The following NSMCE2 variants were observed in gnomAD, a reference collection of about 807,000 sequenced individuals.
NSMCE2 encodes NSE2 SUMO ligase component of SMC5/6 complex, also known as E3 SUMO-protein ligase NSE2.
A neutral mutation model predicts 23.8 loss-of-function variants in NSMCE2; 24 were observed. The observed-to-expected ratio is 1.01, with a 90% confidence interval of 0.73 to 1.42. NSMCE2 has a LOEUF of 1.42. NSMCE2 is among the 40% of genes most tolerant of loss of function. The pLI is 0.00. For synonymous variants in NSMCE2, 92 were observed against 94.1 expected (o/e 0.98, Z 0.13); for missense variants, 284 against 296.5 (o/e 0.96, Z 0.31).
chr8:125,118,141 C>T (rs1048372340), intron 3 of NSMCE2, among the ~76,000 whole-genome samples: 4 of 151,768 alleles, frequency 2.6e-5, no homozygotes, highest in Admixed American at 6.6e-5. Flanking sequence ...CCTGAGGTCA[C>T]GTGACCTCAG....
At chr8:125,111,163 A>G (rs1209150540) in intron 3 of NSMCE2, among the ~76,000 whole-genome samples, 1 of 152,204 alleles carries the variant, frequency 6.6e-6, no homozygotes, top group East Asian at 1.9e-4. Flanking sequence ...CACGCAGCCA[A>G]AAAAGTTTTC....
rs111426462 is a variant in NSMCE2 at position 125,196,192 on chromosome 8, C to CA, written c.418+13936_418+13937insA. ...AGCCACCAAGTGCAGCCCTGGATAA[C>CA]TTTTTTTTTTCTTTTTTTTTTTTTT... On this transcript the variant is annotated intron_variant, in intron 5 of 7. Coordinates refer to ENST00000287437, the MANE Select transcript of NSMCE2 (RefSeq NM_173685.4). Among the ~76,000 whole-genome samples the CA allele has an allele frequency of 3.1e-3, 443 of 144,708 alleles. 2 individuals are homozygous for CA. Among genetic ancestry groups the CA allele is most frequent in the African/African-American group, 0.011 (417 of 38,978 alleles). The allele number at this position is 144,708 out of a possible 152,430, so 94.9% of individuals were successfully genotyped here. A position where few individuals can be genotyped will look rare whatever the true frequency, so the allele number is the denominator to read the frequency against.
In NSMCE2 at chr8:125,164,762, C is replaced by T. The variant is rs541949652; in HGVS notation, c.264+13485C>T. Among the ~76,000 whole-genome samples the T allele has an allele frequency of 2.1e-3, 320 of 152,044 alleles. 2 individuals carry two copies. The highest frequency in any genetic ancestry group is 7.5e-3 in the African/African-American group (312 of 41,488). On this transcript the variant is annotated intron_variant, in intron 4 of 7. Coordinates refer to ENST00000287437, the MANE Select transcript of NSMCE2 (RefSeq NM_173685.4). ...TAAAGTAAAATAAAAATGAAATAAA[C>T]TTTTTTCTAGTTTTAATGATATGGT...
At chr8:125,281,083 T>G (rs995566935) in intron 5 of NSMCE2, among the ~76,000 whole-genome samples, 13 of 152,228 alleles carry the variant, frequency 8.5e-5, no homozygotes, top group African/African-American at 3.1e-4. Flanking sequence ...TTGTGACAGT[T>G]ATAAGCCGAT....
chr8:125,331,488 G>T (rs1360772793), intron 5 of NSMCE2, among the ~76,000 whole-genome samples: 1 of 152,164 alleles, frequency 6.6e-6, no homozygotes, highest in East Asian at 1.9e-4. Context: ...AATGTCAAGT[G>T]CTGGGTAATG....
chr8:125,127,540 T>C (rs889717197), intron 3 of NSMCE2, among the ~76,000 whole-genome samples: 1 of 152,234 alleles, frequency 6.6e-6, no homozygotes, highest in African/African-American at 2.4e-5. Flanking sequence ...AGAAAGATTA[T>C]GTAATGTGTT....
At chr8:125,243,021 C>G (rs1434148057) in intron 5 of NSMCE2, among the ~76,000 whole-genome samples, 1 of 151,984 alleles carries the variant, frequency 6.6e-6, no homozygotes, top group Non-Finnish European at 1.5e-5. Flanking sequence ...TACATGTAGA[C>G]TCTATCTGGG....
intron 5 of NSMCE2, among the ~76,000 whole-genome samples, chr8:125,338,496 A>G (rs953948504): frequency 1.3e-5 from 2 of 152,204 alleles, no homozygotes; most frequent in Non-Finnish European, 2.9e-5. Flanking sequence ...GCAAGCATCT[A>G]TTGCATCAAA....
At chr8:125,145,640 C>G (rs1054121640) in intron 3 of NSMCE2, among the ~76,000 whole-genome samples, 5 of 152,302 alleles carry the variant, frequency 3.3e-5, no homozygotes, top group East Asian at 3.9e-4. Context: ...GCCTCCCAGA[C>G]TTCGCTTGGC....
At chr8:125,259,068 A>G (rs917078789) in intron 5 of NSMCE2, among the ~76,000 whole-genome samples, 1 of 152,072 alleles carries the variant, frequency 6.6e-6, no homozygotes, top group Non-Finnish European at 1.5e-5. Context: ...ACACCCGGCT[A>G]ATTTTATATT....
chr8:125,180,715 T>TA (rs1319970453), intron 4 of NSMCE2, among the ~76,000 whole-genome samples: 1 of 152,216 alleles, frequency 6.6e-6, no homozygotes, highest in Non-Finnish European at 1.5e-5. Flanking sequence ...TATTTATTTG[T>TA]GAAACTGGGG....
intron 5 of NSMCE2, among the ~76,000 whole-genome samples, chr8:125,350,970 C>T (rs1210472874): frequency 1.3e-5 from 2 of 152,010 alleles, no homozygotes; most frequent in East Asian, 3.9e-4. Context: ...GTGGTTTGGA[C>T]CAAGGCATGA....
At chr8:125,218,699 A>G (rs1038028531) in intron 5 of NSMCE2, among the ~76,000 whole-genome samples, 2 of 152,214 alleles carry the variant, frequency 1.3e-5, no homozygotes, top group African/African-American at 4.8e-5. Flanking sequence ...GGTGTGAGCC[A>G]CTGCGCCCGG....
intron 4 of NSMCE2, among the ~76,000 whole-genome samples, chr8:125,155,523 C>T (rs1269383817): frequency 6.6e-6 from 1 of 152,152 alleles, no homozygotes; most frequent in Non-Finnish European, 1.5e-5. Context: ...TGAGTGCCTA[C>T]TATGTGCCAG....
chr8:125,260,720 G>A (rs1320236798), intron 5 of NSMCE2, among the ~76,000 whole-genome samples: 1 of 151,636 alleles, frequency 6.6e-6, no homozygotes, highest in Non-Finnish European at 1.5e-5. Context: ...CACCTCCCAG[G>A]TTCAAGTGAT....
At chr8:125,291,314 A>C (rs1828095568) in intron 5 of NSMCE2, among the ~76,000 whole-genome samples, 1 of 152,228 alleles carries the variant, frequency 6.6e-6, no homozygotes, top group Admixed American at 6.5e-5. Flanking sequence ...ACATTAGAGC[A>C]TGGGTTGCTA....
rs71295819 is a variant in NSMCE2, at chr8:125,150,426, C to CTTTTTTTTTTTTTTT, written c.158-734_158-720dup. On this transcript the variant is annotated intron_variant, in intron 3 of 7. Transcript: ENST00000287437. ...TTTTCTTTTTTTCTTTTCTTTCTTT[C>CTTTTTTTTTTTTTTT]TTTTTTTTTTTTTTTTTTTTTTTTT... 4.0e-4 allele frequency among the ~76,000 whole-genome samples: 25 copies of CTTTTTTTTTTTTTTT among 61,878 alleles called. 2 individuals are homozygous for CTTTTTTTTTTTTTTT. Among genetic ancestry groups the CTTTTTTTTTTTTTTT allele is most frequent in the African/African-American group, 8.1e-4 (11 of 13,580 alleles). The allele number at this position is 61,878 out of a possible 152,430, so 40.6% of individuals were successfully genotyped here.
At chr8:125,227,714 T>C (rs1295843991) in intron 5 of NSMCE2, among the ~76,000 whole-genome samples, 1 of 152,210 alleles carries the variant, frequency 6.6e-6, no homozygotes, top group Non-Finnish European at 1.5e-5. Flanking sequence ...TATAAAAATG[T>C]GTATATTGTA....
chr8:125,305,588 G>A (rs1828724482), intron 5 of NSMCE2, among the ~76,000 whole-genome samples: 1 of 152,318 alleles, frequency 6.6e-6, no homozygotes, highest in South Asian at 2.1e-4. Context: ...CTGGCTTATG[G>A]TGTTGGAGAG....
Sources: allele counts gnomAD v4.1 joint callset (sites outside exome capture counted in the v4.1 genomes callset), GRCh38; gene constraint gnomAD v4.1.1; transcripts MANE v1.5; gene names NCBI Gene and HGNC (gene_info 2026-07-23, HGNC 2026-07-21).